The following HELZ variants were observed in gnomAD, a reference collection of about 807,000 sequenced individuals.
HELZ encodes the protein ATP-dependent RNA helicase with zinc finger domain.
HELZ carries 23 observed loss-of-function variants against 218.2 expected under a neutral mutation model. The ratio of observed to expected loss-of-function variants is 0.11; its 90% CI spans 0.08 to 0.15. The LOEUF (loss-of-function observed/expected upper bound fraction) is 0.15. HELZ is among the 10% of genes least tolerant of loss of function. The pLI is 1.00. For synonymous variants in HELZ, 814 were observed against 829.4 expected (o/e 0.98, Z 0.32); for missense variants, 1,813 against 2,353.7 (o/e 0.77, Z 4.75).
At chr17:67,145,963 A>C in intron 20 of HELZ, 73 bp from the exon 21 acceptor site, 1 of 1,357,070 alleles carries the variant, frequency 7.4e-7, no homozygotes, top group Non-Finnish European at 1.0e-6. Flanking sequence ...AGAAAAAAAA[A>C]ATCAGTCGAT....
At chr17:67,126,787 G>C (rs910661525) in intron 24 of HELZ, among the ~76,000 whole-genome samples, 19 of 152,084 alleles carry the variant, frequency 1.2e-4, no homozygotes, top group Non-Finnish European at 2.5e-4. Context: ...CCTAAACCCG[G>C]GAGGCGGAGG....
intron 17 of HELZ, among the ~76,000 whole-genome samples, chr17:67,157,406 C>A (rs1156956619): frequency 6.6e-6 from 1 of 152,190 alleles, no homozygotes; most frequent in African/African-American, 2.4e-5. Flanking sequence ...AAAGCTTGAT[C>A]GCTGAGCCAA....
At chr17:67,214,045 A>T (rs1289233566) in intron 5 of HELZ, among the ~76,000 whole-genome samples, 1 of 152,052 alleles carries the variant, frequency 6.6e-6, no homozygotes, top group Non-Finnish European at 1.5e-5. Flanking sequence ...TAACTTCTTC[A>T]GATGGGGGAA....
chr17:67,188,515 T>C lies in HELZ; in HGVS notation c.966A>G (p.Ser322=). ...ISAGDSTTQV[S]QEVPENCQEW... is the part of the protein sequence containing the mutation. ...CTTGACAGTTTTCTGGGACTTCTTG[T>C]GATACCTGGGTAGTACTATCTCCGG... is the stretch of plus-strand genomic sequence containing the variant. The change falls in exon 12 of 33, where the codon TCA becomes TCG. Residue 322 remains serine, a synonymous_variant. Coordinates refer to ENST00000358691, the MANE Select transcript of HELZ (RefSeq NM_014877.4). The surrounding 1 kb of genome is among the most constrained non-coding windows in gnomAD (Gnocchi z 4.1). 2 of 1,613,938 alleles carry C rather than the reference T, an allele frequency of 1.2e-6. No individual in the cohort carries two copies. The highest frequency in any genetic ancestry group is 1.7e-6 in the Non-Finnish European group (2 of 1,179,822).
rs1410330026 is a variant in HELZ at position 67,075,182 on chromosome 17, T to C, written c.*3070A>G. 1 of 151,960 alleles carries C rather than the reference T, an allele frequency of 6.6e-6. No homozygotes were observed. The highest frequency in any genetic ancestry group is 1.5e-5 in the Non-Finnish European group (1 of 67,974). The allele number at this position is 151,960 out of a possible 1,614,324, so 9.4% of individuals were successfully genotyped here. A position where few individuals can be genotyped will look rare whatever the true frequency, so the allele number is the denominator to read the frequency against. ...CAGCATGAAGGCTCACTTTACAAAC[T>C]CTATCATCCAAAATATCGTCTTTCA... On this transcript the variant is annotated 3_prime_UTR_variant, in exon 33 of 33. Transcript: ENST00000358691.
Position 67,148,549 on chromosome 17 carries a change from A to C in HELZ, c.2621+20T>G. 1 of 1,601,150 alleles carries C rather than the reference A, an allele frequency of 6.2e-7. No homozygotes were observed. The highest frequency in any genetic ancestry group is 1.3e-5 in the African/African-American group (1 of 74,480). On this transcript the variant is annotated intron_variant, in intron 20 of 32. Coordinates refer to ENST00000358691, the MANE Select transcript of HELZ (RefSeq NM_014877.4). ...TCAGACCAACGAAAGTATGACACGG[A>C]GGGGGCAGTTCACACCTACTTGATG...
At chr17:67,125,343 T>TACATAC (rs1359179251) in intron 24 of HELZ, among the ~76,000 whole-genome samples, 1 of 61,398 alleles carries the variant, frequency 1.6e-5, no homozygotes, top group South Asian at 5.4e-4. Context: ...TATATATATA[T>TACATAC]ATACTTGTGA....
At chr17:67,178,636 A>T in intron 13 of HELZ, 23 bp downstream of exon 13, 3 of 1,579,686 alleles carry the variant, frequency 1.9e-6, no homozygotes, top group Non-Finnish European at 2.6e-6. Context: ...TTTTTGTTTT[A>T]AAGTGTTTCT....
At chr17:67,087,156 A>C in intron 31 of HELZ, 75 bp from the exon 32 acceptor site, 2 of 1,338,916 alleles carry the variant, frequency 1.5e-6, no homozygotes, top group Non-Finnish European at 2.1e-6. Flanking sequence ...ACTCCATAGC[A>C]ATATCTCACT....
intron 26 of HELZ, 57 bp downstream of exon 26, chr17:67,122,913 T>C (rs2037660567): frequency 7.5e-7 from 1 of 1,328,260 alleles, no homozygotes; most frequent in African/African-American, 1.5e-5. Context: ...ATTAGAACCA[T>C]TTTAGTGAAA....
At chr17:67,191,162 T>C (rs1294294930) in intron 9 of HELZ, among the ~76,000 whole-genome samples, 1 of 152,262 alleles carries the variant, frequency 6.6e-6, no homozygotes, top group Non-Finnish European at 1.5e-5. Flanking sequence ...CTAATTACCA[T>C]TTTAAGGCTT....
upstream of HELZ, chr17:67,245,509 A>T: frequency 1.0e-6 from 1 of 985,480 alleles, no homozygotes; most frequent in Non-Finnish European, 1.2e-6. Context: ...GTCTGCATTG[A>T]ATCAACCCGA....
chr17:67,123,201 CAT>C, intron 25 of HELZ, 41 bp from the exon 26 acceptor site: 1 of 1,160,106 alleles, frequency 8.6e-7, no homozygotes, highest in Non-Finnish European at 1.2e-6. Context: ...AACAGCTGTA[CAT>C]AGTCATCCAG....
intron 5 of HELZ, 34 bp from the exon 6 acceptor site, chr17:67,203,477 G>A (rs1325326290): frequency 1.2e-6 from 2 of 1,608,196 alleles, no homozygotes; most frequent in Non-Finnish European, 1.7e-6. Context: ...TTAACCATAT[G>A]ACATTTAATG....
At chr17:67,168,240 A>G (rs1299902671) in intron 13 of HELZ, among the ~76,000 whole-genome samples, 1 of 152,080 alleles carries the variant, frequency 6.6e-6, no homozygotes, top group African/African-American at 2.4e-5. Flanking sequence ...CTGCCTCCCA[A>G]AGTGCTGCGA....
intron 4 of HELZ, among the ~76,000 whole-genome samples, chr17:67,217,260 G>A (rs1210440221): frequency 6.6e-6 from 1 of 152,132 alleles, no homozygotes; most frequent in Non-Finnish European, 1.5e-5. Flanking sequence ...AAGTATCGAG[G>A]TAAGTAACTG....
intron 24 of HELZ, among the ~76,000 whole-genome samples, chr17:67,125,787 T>C (rs1298425601): frequency 1.3e-5 from 2 of 152,166 alleles, no homozygotes; most frequent in African/African-American, 2.4e-5. Context: ...TCCTGGATTA[T>C]GTGGGTGAGC....
intron 13 of HELZ, chr17:67,173,090 A>G: frequency 1.1e-6 from 1 of 926,240 alleles, no homozygotes; most frequent in Non-Finnish European, 1.3e-6. Context: ...AGTGCTAAGA[A>G]ATAAAATAAA....
intron 7 of HELZ, among the ~76,000 whole-genome samples, chr17:67,200,417 A>G (rs2143088659): frequency 6.6e-6 from 1 of 152,066 alleles, no homozygotes; most frequent in South Asian, 2.1e-4. Flanking sequence ...TCCTTAAATC[A>G]CAGACTTCCA....
Sources: gnomAD v4.1 joint callset for allele counts (sites outside exome capture counted in the v4.1 genomes callset) on GRCh38, gnomAD v4.1.1 for gene constraint, Gnocchi (gnomAD v3.1) non-coding constraint, MANE v1.5 for transcripts, NCBI Gene and HGNC (gene_info 2026-07-23, HGNC 2026-07-21) for gene names.